The following MYCBP2 variants were observed in gnomAD, a reference collection of about 807,000 sequenced individuals.
The protein encoded by MYCBP2 is MYC binding protein 2, also known as E3 ubiquitin-protein ligase MYCBP2.
Under a neutral mutation model 525.3 loss-of-function variants are expected in MYCBP2, and 120 were observed. The ratio of observed to expected loss-of-function variants is 0.23; its 90% CI spans 0.20 to 0.27. The LOEUF is 0.27. Among genes scored for constraint, MYCBP2 ranks in the 10% least tolerant of loss-of-function variants. The pLI, the probability that MYCBP2 is intolerant of heterozygous loss-of-function variation, is 1.00. For synonymous variants in MYCBP2, 1,894 were observed against 1,955.8 expected (o/e 0.97, Z 0.83); for missense variants, 4,149 against 5,657.1 (o/e 0.73, Z 8.55).
intron 51 of MYCBP2, 33 bp from the exon 52 acceptor site, chr13:77,139,369 CT>C: frequency 3.1e-6 from 5 of 1,600,970 alleles, no homozygotes; most frequent in Non-Finnish European, 4.3e-6. Context: ...CAAGCCAGGC[CT>C]TCCTGTAAGT....
At chr13:77,252,393 T>A (rs1195638310) in intron 14 of MYCBP2, among the ~76,000 whole-genome samples, 1 of 152,206 alleles carries the variant, frequency 6.6e-6, no homozygotes, top group Admixed American at 6.5e-5. Context: ...TGAGCTGTTA[T>A]GAAGCTTATA....
intron 44 of MYCBP2, among the ~76,000 whole-genome samples, chr13:77,161,629 GCAAGC>G (rs2057935443): frequency 1.3e-5 from 2 of 152,156 alleles, no homozygotes; most frequent in Admixed American, 6.5e-5. Context: ...CCACAGTTCT[GCAAGC>G]CATCCTCCGC....
At chr13:77,210,569 T>C (rs761050151) in intron 23 of MYCBP2, among the ~76,000 whole-genome samples, 1 of 152,250 alleles carries the variant, frequency 6.6e-6, no homozygotes. Context: ...TCTATGTTTT[T>C]ATAATTTCCA....
rs768318549 is a variant in MYCBP2 at position 77,098,079 on chromosome 13, A to G, written c.9075T>C (p.Pro3025=). ...PLEPAKQAMS[P]SVAECARAVF... Reference sequence around the variant, plus strand: ...CAGCTCTGGCACATTCGGCCACAGAAGGAGACATGGCTTGCTTGGCTGGCT... The same window carrying G: ...CAGCTCTGGCACATTCGGCCACAGAGGGAGACATGGCTTGCTTGGCTGGCT... Residue 3025 remains proline (P), a synonymous_variant, in exon 56 of 83, where the codon CCT becomes CCC. Coordinates refer to ENST00000544440, the MANE Select transcript of MYCBP2 (RefSeq NM_015057.5). 6 of 1,613,634 alleles carry G rather than the reference A, an allele frequency of 3.7e-6. No homozygotes were observed. The highest frequency in any genetic ancestry group is 5.1e-6 in the Non-Finnish European group (6 of 1,179,788).
At position 77,150,810 on chromosome 13, in the gene MYCBP2, G is replaced by A. The variant is rs1310166316; in HGVS notation, c.7055C>T (p.Ala2352Val). ...ATATGAAACATCTAGCTTTGGTGAT[G>A]CCAGCCCTCCATAAGTCATGTCAGT... ...SNTDMTYGGL[A>V]SPKLDVSYEP... is the part of the protein sequence containing the mutation. Residue 2352 changes from alanine (A) to valine (V), a missense_variant, in exon 47 of 83, where the codon GCA becomes GTA. By Grantham distance (64) the Ala-to-Val change is moderately conservative. Coordinates refer to ENST00000544440, the MANE Select transcript of MYCBP2 (RefSeq NM_015057.5). 1 of 1,614,098 alleles carries A rather than the reference G, an allele frequency of 6.2e-7. No individual in the cohort carries two copies. Among genetic ancestry groups the A allele is most frequent in the Non-Finnish European group, 8.5e-7 (1 of 1,180,006 alleles).
chr13:77,243,201 T>C (rs2069188228), intron 16 of MYCBP2, 41 bp from the exon 17 acceptor site: 2 of 1,370,326 alleles, frequency 1.5e-6, no homozygotes, highest in African/African-American at 1.4e-5. Context: ...ACAACATATA[T>C]GTTATATAAT....
In MYCBP2 at chr13:77,288,254, T is replaced by C; in HGVS notation, c.501A>G (p.Ser167=). The C allele has an allele frequency of 6.2e-7, 1 of 1,614,212 alleles. No individual in the cohort carries two copies. Among genetic ancestry groups the C allele is most frequent in the Non-Finnish European group, 8.5e-7 (1 of 1,180,040 alleles). Residue 167 remains serine (S), a synonymous_variant, in exon 3 of 83, where the codon TCA becomes TCG. Transcript: ENST00000544440. ...CVLEWQKKEI[S]LAAASKNSVQ... ...CAGAGTTCTTAGATGCGGCTGCCAA[T>C]GATATTTCCTTTTTCTGCCATTCCA...
Position 77,326,935 on chromosome 13 carries a change from C to CCTT in MYCBP2, c.-163_-161dup. Reference sequence around the variant, plus strand: ...AAGACAGCGACCTCCTTCTCCTCCTCCTTCTTCTCCTCCTCCCCCCCGCGC... The same window carrying CCTT: ...AAGACAGCGACCTCCTTCTCCTCCTCCTTCTTCTTCTCCTCCTCCCCCCCGCGC... On this transcript the variant is annotated 5_prime_UTR_variant, in exon 1 of 83. Transcript: ENST00000544440. This position sits in a 1 kb window ranked among gnomAD's most constrained non-coding sequence, Gnocchi z 4.2. 1.7e-6 allele frequency: 1 copy of CCTT among 577,290 alleles called. No homozygotes were observed. Among genetic ancestry groups the CCTT allele is most frequent in the Non-Finnish European group, 2.7e-6 (1 of 377,222 alleles). 35.8% of individuals were successfully genotyped at this position (577,290 alleles called of 1,614,324 possible). A position where few individuals can be genotyped will look rare whatever the true frequency, so the allele number is the denominator to read the frequency against.
intron 47 of MYCBP2, among the ~76,000 whole-genome samples, chr13:77,147,745 C>T (rs999555783): frequency 1.3e-5 from 2 of 151,954 alleles, no homozygotes; most frequent in African/African-American, 2.4e-5. Flanking sequence ...CATCACTCTC[C>T]CTCAAATTCA....
intron 68 of MYCBP2, among the ~76,000 whole-genome samples, chr13:77,075,138 G>A (rs553439658): frequency 1.3e-5 from 2 of 152,292 alleles, no homozygotes; most frequent in South Asian, 4.1e-4. Context: ...AGCCCGGGAG[G>A]TTGAGGTTGC....
intron 76 of MYCBP2, 48 bp downstream of exon 76, chr13:77,061,121 C>CT (rs764964093): frequency 6.4e-6 from 10 of 1,553,072 alleles, no homozygotes; most frequent in Admixed American, 6.3e-5. Context: ...ACGGTTTAAT[C>CT]TTTTTTTGTG....
chr13:77,165,489 G>T (rs2154213999), intron 41 of MYCBP2, 98 bp from the exon 42 acceptor site: 2 of 871,500 alleles, frequency 2.3e-6, no homozygotes, highest in Middle Eastern at 3.5e-4. Context: ...TCACAAGATA[G>T]GTAAAAACAC....
intron 46 of MYCBP2, among the ~76,000 whole-genome samples, chr13:77,155,799 A>G (rs2057143506): frequency 6.6e-6 from 1 of 152,222 alleles, no homozygotes; most frequent in Non-Finnish European, 1.5e-5. Context: ...CACTCTTTAG[A>G]TGGATACTTT....
chr13:77,270,173 T>C, intron 6 of MYCBP2, 110 bp from the exon 7 acceptor site: 3 of 1,437,844 alleles, frequency 2.1e-6, no homozygotes, highest in Non-Finnish European at 2.8e-6. Flanking sequence ...ATTATGGTTT[T>C]CAAATAAATA....
intron 18 of MYCBP2, among the ~76,000 whole-genome samples, chr13:77,226,491 T>G (rs1222893625): frequency 2.0e-5 from 3 of 152,186 alleles, no homozygotes; most frequent in Non-Finnish European, 4.4e-5. Flanking sequence ...ACAGAATAAA[T>G]GTAAATCTGG....
rs780491686 is a variant in MYCBP2, at chr13:77,205,401, T to C, written c.3716-18A>G. On this transcript the variant is annotated intron_variant, in intron 25 of 82. Coordinates refer to ENST00000544440, the MANE Select transcript of MYCBP2 (RefSeq NM_015057.5). ...TCCATGACCTAGAATATATAAATCA[T>C]AATCTATGTTTTAAAAGATCCATAT... 1.9e-6 allele frequency: 3 copies of C among 1,612,006 alleles called. No individual in the cohort carries two copies. The highest frequency in any genetic ancestry group is 1.1e-5 in the South Asian group (1 of 90,658).
Position 77,224,511 on chromosome 13 carries a change from T to C in MYCBP2, c.2879A>G (p.Asp960Gly), listed in dbSNP as rs528409310. ...CTGCCCATAACCAAATGTATAGACATCTCCATTTTCCATTAAAACCACTGC... is the reference window on the plus strand; with the variant it reads ...CTGCCCATAACCAAATGTATAGACACCTCCATTTTCCATTAAAACCACTGC... The part of the protein sequence containing the change: ...HHSVVLMENG[D>G]VYTFGYGQHG... Residue 960 changes from aspartate (D) to glycine (G), a missense_variant, in exon 20 of 83, where the codon GAT becomes GGT. Transcript: ENST00000544440. 10 of 1,607,060 alleles carry C rather than the reference T, an allele frequency of 6.2e-6. No homozygotes were observed. The highest frequency in any genetic ancestry group is 5.0e-5 in the Admixed American group (3 of 59,582).
chr13:77,238,644 T>C (rs190487797), intron 17 of MYCBP2, among the ~76,000 whole-genome samples: 1 of 152,190 alleles, frequency 6.6e-6, no homozygotes, highest in African/African-American at 2.4e-5. Flanking sequence ...AAAGATAAAT[T>C]AAAAAAATTA....
At chr13:77,284,603 G>C (rs745761977) in intron 3 of MYCBP2, among the ~76,000 whole-genome samples, 3 of 152,108 alleles carry the variant, frequency 2.0e-5, no homozygotes, top group Non-Finnish European at 2.9e-5. Flanking sequence ...TTCATCAGGT[G>C]ATTGCACTGA....
Sources: allele counts gnomAD v4.1 joint callset (sites outside exome capture counted in the v4.1 genomes callset), GRCh38; gene constraint gnomAD v4.1.1; non-coding constraint Gnocchi (gnomAD v3.1); transcripts MANE v1.5; gene names NCBI Gene and HGNC (gene_info 2026-07-23, HGNC 2026-07-21).